Variants in TLN2 observed in about 807,000 individuals in gnomAD.
TLN2 encodes the protein talin 2, also known as talin-2.
Under a neutral mutation model 294.7 loss-of-function variants are expected in TLN2, and 118 were observed. The observed-to-expected ratio is 0.40, with a 90% CI of 0.34 to 0.47. TLN2 has a LOEUF of 0.47. TLN2 is among the 20% of genes least tolerant of loss of function. TLN2 has a pLI of 0.84. For missense variants in TLN2, 3,083 were observed against 3,282.2 expected, an observed-to-expected ratio of 0.94 and a Z score of 1.48; for synonymous variants, 1,431 against 1,304.5, an observed-to-expected ratio of 1.10 and a Z score of -2.09.
intron 1 of TLN2, among the ~76,000 whole-genome samples, chr15:62,496,281 G>T (rs1402299352): frequency 1.3e-5 from 2 of 152,192 alleles, no homozygotes; most frequent in African/African-American, 4.8e-5. Context: ...GCCCAGAGAA[G>T]ATTTACTTCT....
chr15:62,413,530 C>T (rs952795649), intron 1 of TLN2, among the ~76,000 whole-genome samples: 3 of 152,192 alleles, frequency 2.0e-5, no homozygotes, highest in South Asian at 2.1e-4. Context: ...TGGCTTGACG[C>T]GCCAGATAGA....
chr15:62,587,080 G>C (rs1054116335), intron 1 of TLN2, among the ~76,000 whole-genome samples: 4 of 152,192 alleles, frequency 2.6e-5, no homozygotes, highest in Non-Finnish European at 4.4e-5. Flanking sequence ...AGGTTATAGA[G>C]TATCTTAGGG....
chr15:62,524,380 G>T (rs1166494109), intron 1 of TLN2, among the ~76,000 whole-genome samples: 1 of 152,114 alleles, frequency 6.6e-6, no homozygotes, highest in Non-Finnish European at 1.5e-5. Flanking sequence ...GGTCTTGCAG[G>T]TGTGTGCTTG....
At chr15:62,716,167 A>G (rs537620694) in intron 22 of TLN2, among the ~76,000 whole-genome samples, 164 bp from the exon 23 acceptor site, 1 of 152,320 alleles carries the variant, frequency 6.6e-6, no homozygotes, top group East Asian at 1.9e-4. Context: ...CCTGGTAGGT[A>G]TTTTTTGTTG....
At chr15:62,498,397 T>A (rs2140423874) in intron 1 of TLN2, among the ~76,000 whole-genome samples, 1 of 152,274 alleles carries the variant, frequency 6.6e-6, no homozygotes, top group Non-Finnish European at 1.5e-5. Flanking sequence ...AGGGTTGACT[T>A]GCCTGTTGTT....
chr15:62,681,491 T>C (rs2056824283), intron 11 of TLN2, among the ~76,000 whole-genome samples: 1 of 152,254 alleles, frequency 6.6e-6, no homozygotes, highest in Non-Finnish European at 1.5e-5. Flanking sequence ...TATTTTCTTT[T>C]ATGTCTATGA....
At chr15:62,599,826 C>T (rs576806059) in intron 2 of TLN2, among the ~76,000 whole-genome samples, 1 of 152,216 alleles carries the variant, frequency 6.6e-6, no homozygotes, top group Non-Finnish European at 1.5e-5. Flanking sequence ...GGAGTGAGCG[C>T]TTGCTGTCCC....
intron 52 of TLN2, among the ~76,000 whole-genome samples, chr15:62,812,145 A>G (rs1302796105): frequency 1.3e-5 from 2 of 152,096 alleles, no homozygotes; most frequent in African/African-American, 4.8e-5. Flanking sequence ...TGCCTCCTAA[A>G]TGGGAGCTCT....
chr15:62,433,517 T>C (rs1189578327), intron 1 of TLN2, among the ~76,000 whole-genome samples: 1 of 152,112 alleles, frequency 6.6e-6, no homozygotes, highest in Non-Finnish European at 1.5e-5. Flanking sequence ...GTGTGAATTC[T>C]CTATTTAGTC....
At chr15:62,559,344 C>T (rs1307626088) in intron 1 of TLN2, among the ~76,000 whole-genome samples, 1 of 152,148 alleles carries the variant, frequency 6.6e-6, no homozygotes, top group Non-Finnish European at 1.5e-5. Context: ...TGGACTGAGC[C>T]TAGAGGAATT....
intron 8 of TLN2, 36 bp from the exon 9 acceptor site, chr15:62,657,735 A>T: frequency 1.2e-6 from 2 of 1,604,560 alleles, no homozygotes; most frequent in Non-Finnish European, 1.7e-6. Flanking sequence ...TCACTCCCCG[A>T]AGCCTCTGAT....
intron 1 of TLN2, among the ~76,000 whole-genome samples, chr15:62,440,336 G>T (rs1472092138): frequency 6.6e-6 from 1 of 152,166 alleles, no homozygotes; most frequent in African/African-American, 2.4e-5. Flanking sequence ...TTAAGATTGA[G>T]ATAGAGACCA....
intron 1 of TLN2, among the ~76,000 whole-genome samples, chr15:62,555,875 G>C (rs994429188): frequency 1.3e-5 from 2 of 149,342 alleles, no homozygotes; most frequent in Admixed American, 1.3e-4. Context: ...TGTTACTGTA[G>C]CTTTGTACTA....
At chr15:62,766,469 G>A in intron 41 of TLN2, 47 bp downstream of exon 41, 1 of 1,545,368 alleles carries the variant, frequency 6.5e-7, no homozygotes. Context: ...TGTTATCACA[G>A]GAGAGAGGGT....
At chr15:62,551,014 A>G (rs774474414) in intron 1 of TLN2, among the ~76,000 whole-genome samples, 2 of 152,188 alleles carry the variant, frequency 1.3e-5, no homozygotes, top group Non-Finnish European at 2.9e-5. Flanking sequence ...GAAACTAGAA[A>G]GTCCCATCTG....
At position 62,578,364 on chromosome 15, in the gene TLN2, C is replaced by T. The variant is rs181760604; in HGVS notation, c.-237-11323C>T. On this transcript the variant is annotated intron_variant, in intron 1 of 58. Transcript: ENST00000636159. Reference sequence around the variant, plus strand: ...GGCACATCACCTGAGGTCAGGAGTTCGAGACCAGCCTGGCCAACATGGTGA... The same window carrying T: ...GGCACATCACCTGAGGTCAGGAGTTTGAGACCAGCCTGGCCAACATGGTGA... Among the ~76,000 whole-genome samples, 8 of 152,070 alleles carry T rather than the reference C, an allele frequency of 5.3e-5. No homozygotes were observed. The East Asian group carries it at 1.2e-3, about 22-fold the overall frequency.
intron 21 of TLN2, among the ~76,000 whole-genome samples, chr15:62,710,908 A>C (rs2141128384): frequency 6.6e-6 from 1 of 151,632 alleles, no homozygotes; most frequent in Non-Finnish European, 1.5e-5. Flanking sequence ...TTGTGTTTTT[A>C]GTAGAGATGG....
rs56777565 is a variant in TLN2, at chr15:62,545,514, T to TTGTGTGTGTG, written c.-237-44151_-237-44142dup. On this transcript the variant is annotated intron_variant, in intron 1 of 58. Transcript: ENST00000636159. ...TGAATCCAACTCTCTTTCTTTCTCTTTGTGTGTGTGTGTGTGTGTGTGTGT... is the reference window on the plus strand; with the variant it reads ...TGAATCCAACTCTCTTTCTTTCTCTTTGTGTGTGTGTGTGTGTGTGTGTGTGTGTGTGTGT... Among the ~76,000 whole-genome samples the TTGTGTGTGTG allele has an allele frequency of 9.4e-3, 1,367 of 146,010 alleles. 21 individuals are homozygous for TTGTGTGTGTG. Among genetic ancestry groups the TTGTGTGTGTG allele is most frequent in the African/African-American group, 0.016 (651 of 39,484 alleles).
At chr15:62,756,470 A>G (rs62004629) in intron 37 of TLN2, among the ~76,000 whole-genome samples, 36,149 of 152,062 alleles carry the variant, frequency 0.24, 4,345 homozygotes, top group East Asian at 0.27. Flanking sequence ...CCGCAGGCAG[A>G]AGGCCCAGCA....
Sources: gnomAD v4.1 joint callset for allele counts (sites outside exome capture counted in the v4.1 genomes callset) on GRCh38, gnomAD v4.1.1 for gene constraint, MANE v1.5 for transcripts, NCBI Gene and HGNC (gene_info 2026-07-23, HGNC 2026-07-21) for gene names.